CDH13: variants seen among roughly 807,000 people sequenced by gnomAD.
The protein encoded by CDH13 is cadherin-13.
Under a neutral mutation model 63.8 loss-of-function variants are expected in CDH13, and 24 were observed. The ratio of observed to expected loss-of-function variants is 0.38; its 90% CI spans 0.27 to 0.53. The LOEUF (loss-of-function observed/expected upper bound fraction) is 0.53. CDH13 is among the 20% of genes least tolerant of loss of function. The pLI is 0.85. For synonymous variants in CDH13, 503 were observed against 355.3 expected, an observed-to-expected ratio of 1.42 and a Z score of -4.67; for missense variants, 1,049 against 903.1, an observed-to-expected ratio of 1.16 and a Z score of -2.07.
intron 2 of CDH13, among the ~76,000 whole-genome samples, chr16:83,017,365 T>C (rs953797481): frequency 3.9e-5 from 6 of 152,242 alleles, no homozygotes; most frequent in African/African-American, 1.4e-4. Flanking sequence ...CTCCCTGTTA[T>C]GTCCTGTGCT....
At chr16:83,187,980 G>C (rs1488218783) in intron 4 of CDH13, among the ~76,000 whole-genome samples, 1 of 152,138 alleles carries the variant, frequency 6.6e-6, no homozygotes, top group East Asian at 1.9e-4. Context: ...CAAAAGCTGG[G>C]GGCAGTAGTG....
In CDH13 at chr16:83,235,978, A is replaced by G. The variant is rs145197993; in HGVS notation, c.636+18481A>G. Among the ~76,000 whole-genome samples the G allele has an allele frequency of 3.3e-5, 5 of 152,292 alleles. No homozygotes were observed. In the East Asian group the frequency reaches 5.8e-4, roughly 18 times the overall value. ...TACCATTTGACTGCAATTGAAACTC[A>G]TGATGCTTTATATAGCTTAGATGAT... On this transcript the variant is annotated intron_variant, in intron 5 of 13. Transcript: ENST00000567109.
chr16:83,559,623 G>C (rs1268316649), intron 7 of CDH13, among the ~76,000 whole-genome samples: 2 of 151,096 alleles, frequency 1.3e-5, no homozygotes, highest in African/African-American at 4.9e-5. Flanking sequence ...GAAAGAAAGA[G>C]AAAGAAAAAG....
chr16:83,133,213 C>G (rs144006041), intron 4 of CDH13, among the ~76,000 whole-genome samples: 2 of 152,284 alleles, frequency 1.3e-5, no homozygotes, highest in East Asian at 3.9e-4. Context: ...AATCTATTTA[C>G]AGATAAAATA....
chr16:83,455,060 C>T (rs942255451), intron 6 of CDH13, among the ~76,000 whole-genome samples: 4 of 152,166 alleles, frequency 2.6e-5, no homozygotes, highest in Non-Finnish European at 4.4e-5. Flanking sequence ...TCAAAGTAAT[C>T]TTTAAAATCG....
At chr16:82,698,183 C>T (rs1309947334) in intron 1 of CDH13, among the ~76,000 whole-genome samples, 1 of 152,186 alleles carries the variant, frequency 6.6e-6, no homozygotes, top group East Asian at 1.9e-4. Flanking sequence ...TAAGAATGAG[C>T]TCTTGAATTC....
At chr16:82,723,204 A>T (rs1382704632) in intron 1 of CDH13, 7 of 152,194 alleles carry the variant, frequency 4.6e-5, no homozygotes, top group Non-Finnish European at 8.8e-5. Flanking sequence ...CCTGAGAATG[A>T]TTGTAATGTA....
chr16:83,407,610 A>T (rs1316970249), intron 6 of CDH13, among the ~76,000 whole-genome samples: 1 of 152,234 alleles, frequency 6.6e-6, no homozygotes, highest in Non-Finnish European at 1.5e-5. Flanking sequence ...TCTTTCAAAT[A>T]TACCTAAAGA....
chr16:83,136,666 A>G (rs2036304224), intron 4 of CDH13, among the ~76,000 whole-genome samples: 2 of 152,064 alleles, frequency 1.3e-5, no homozygotes, highest in Non-Finnish European at 1.5e-5. Flanking sequence ...CTTCAGTACA[A>G]TCTTGTTAGT....
At chr16:83,407,857 C>T (rs71402072) in intron 6 of CDH13, among the ~76,000 whole-genome samples, 8,402 of 152,186 alleles carry the variant, frequency 0.055, 219 homozygotes, top group Non-Finnish European at 0.062. Context: ...AATGCGTAAT[C>T]GACTCACAAA....
intron 3 of CDH13, among the ~76,000 whole-genome samples, chr16:83,048,423 C>G (rs1917995078): frequency 6.6e-6 from 1 of 152,178 alleles, no homozygotes; most frequent in South Asian, 2.1e-4. Flanking sequence ...CCTGTGCCAA[C>G]TCCCTCTCTG....
intron 1 of CDH13, among the ~76,000 whole-genome samples, chr16:82,635,294 A>G (rs1194034689): frequency 1.3e-5 from 2 of 152,274 alleles, no homozygotes; most frequent in Admixed American, 6.5e-5. Flanking sequence ...GGCTTCCCTG[A>G]CAACCTGATG....
At chr16:83,205,166 T>G (rs1230816535) in intron 4 of CDH13, among the ~76,000 whole-genome samples, 1 of 152,162 alleles carries the variant, frequency 6.6e-6, no homozygotes. Context: ...CCACCTTGAC[T>G]TAAAGCAGAA....
intron 7 of CDH13, among the ~76,000 whole-genome samples, chr16:83,582,061 C>T (rs1363060827): frequency 6.6e-6 from 1 of 152,092 alleles, no homozygotes; most frequent in Non-Finnish European, 1.5e-5. Context: ...ATGGATGACC[C>T]CTCTCTGAGC....
intron 5 of CDH13, among the ~76,000 whole-genome samples, chr16:83,272,468 G>T (rs933845544): frequency 4.3e-4 from 65 of 152,268 alleles, no homozygotes; most frequent in South Asian, 4.2e-4. Flanking sequence ...TACCACACGG[G>T]TATTTTCCCA....
At chr16:82,921,706 T>C (rs1244259657) in intron 2 of CDH13, among the ~76,000 whole-genome samples, 2 of 152,180 alleles carry the variant, frequency 1.3e-5, no homozygotes, top group East Asian at 3.9e-4. Context: ...TCTTTTTTTC[T>C]TTAGATATCT....
intron 3 of CDH13, among the ~76,000 whole-genome samples, chr16:83,100,061 C>T (rs995463545): frequency 1.3e-5 from 2 of 152,170 alleles, no homozygotes; most frequent in African/African-American, 4.8e-5. Context: ...CATTGCTCCA[C>T]ATAGGCTCAT....
At chr16:82,932,136 A>G (rs777355160) in intron 2 of CDH13, among the ~76,000 whole-genome samples, 2 of 152,182 alleles carry the variant, frequency 1.3e-5, no homozygotes, top group African/African-American at 2.4e-5. Flanking sequence ...GTCATTCTAC[A>G]TTAGTGGTCA....
rs2042373516 is a variant in CDH13, at chr16:82,928,402, A to G, written c.157+69929A>G. On this transcript the variant is annotated intron_variant, in intron 2 of 13. Coordinates refer to ENST00000567109, the MANE Select transcript of CDH13 (RefSeq NM_001257.5). Reference sequence around the variant, plus strand: ...TAGAAATGATACTGTTGAATTGAAGATAGGCCCAATTAAAATTTTGACACA... The same window carrying G: ...TAGAAATGATACTGTTGAATTGAAGGTAGGCCCAATTAAAATTTTGACACA... 3.3e-5 allele frequency among the ~76,000 whole-genome samples: 5 copies of G among 152,300 alleles called. 1 individual carries two copies. In the South Asian group the frequency reaches 1.0e-3, roughly 32 times the overall value.
Sources: gnomAD v4.1 joint callset for allele counts (sites outside exome capture counted in the v4.1 genomes callset) on GRCh38, gnomAD v4.1.1 for gene constraint, MANE v1.5 for transcripts, NCBI Gene and HGNC (gene_info 2026-07-23, HGNC 2026-07-21) for gene names.